Variants in ARHGEF3 observed in about 807,000 individuals in gnomAD.
The protein encoded by ARHGEF3 is Rho guanine nucleotide exchange factor 3.
A neutral mutation model predicts 63.2 loss-of-function variants in ARHGEF3; 28 were observed. That is an observed-to-expected ratio of 0.44 (90% CI 0.33 to 0.61). The LOEUF (loss-of-function observed/expected upper bound fraction) is 0.61. Ranked by LOEUF, ARHGEF3 falls within the 20% of genes least tolerant of loss-of-function variation. The pLI, the probability that ARHGEF3 is intolerant of heterozygous loss-of-function variation, is 0.03. For synonymous variants in ARHGEF3, 266 were observed against 254.2 expected (o/e 1.05, Z -0.44); for missense variants, 533 against 659.3 (o/e 0.81, Z 2.10).
In ARHGEF3 at chr3:56,768,682, AAG is replaced by A. The variant is rs1299992876; in HGVS notation, c.204+5025_204+5026del. Reference sequence around the variant, plus strand: ...AAGCAAAATGCAAAAAAAAAAAAAAAAGAAGAAGATGACGACAAAATCCAAGG... The same window carrying A: ...AAGCAAAATGCAAAAAAAAAAAAAAAAAGAAGATGACGACAAAATCCAAGG... On this transcript the variant is annotated intron_variant, in intron 2 of 9. Coordinates refer to ENST00000296315, the MANE Select transcript of ARHGEF3 (RefSeq NM_019555.3). Among the ~76,000 whole-genome samples the A allele has an allele frequency of 1.3e-3, 186 of 148,704 alleles. 13 individuals carry two copies. The highest frequency in any genetic ancestry group is 3.3e-3 in the East Asian group (17 of 5,076).
intron 4 of ARHGEF3, among the ~76,000 whole-genome samples, chr3:56,860,356 A>AT (rs1188761841): frequency 1.3e-5 from 2 of 151,572 alleles, no homozygotes; most frequent in Admixed American, 6.6e-5. Context: ...TGATTTTATA[A>AT]TTTTTTTGTA....
At chr3:57,075,892 A>C (rs1346052696) in intron 1 of ARHGEF3, among the ~76,000 whole-genome samples, 1 of 152,222 alleles carries the variant, frequency 6.6e-6, no homozygotes, top group African/African-American at 2.4e-5. Flanking sequence ...AAGAAAGCAA[A>C]GCTTGTCACC....
chr3:56,774,431 T>A (rs1287674714), intron 1 of ARHGEF3, among the ~76,000 whole-genome samples: 1 of 152,106 alleles, frequency 6.6e-6, no homozygotes, highest in Non-Finnish European at 1.5e-5. Context: ...AGAAAATGTA[T>A]AGAGAAAAAG....
chr3:56,774,069 T>C (rs1045406817), intron 1 of ARHGEF3, among the ~76,000 whole-genome samples: 2 of 152,144 alleles, frequency 1.3e-5, no homozygotes, highest in African/African-American at 4.8e-5. Flanking sequence ...ATCTGCTCCT[T>C]ATCCCTCACC....
intron 3 of ARHGEF3, among the ~76,000 whole-genome samples, chr3:56,941,761 G>C (rs1297979476): frequency 6.6e-6 from 1 of 152,134 alleles, no homozygotes; most frequent in Admixed American, 6.5e-5. Flanking sequence ...CATCAGTGAC[G>C]AGACTTCTTT....
intron 4 of ARHGEF3, among the ~76,000 whole-genome samples, chr3:56,874,550 G>A (rs2040526428): frequency 1.3e-5 from 2 of 152,194 alleles, no homozygotes; most frequent in South Asian, 4.1e-4. Context: ...ACACCATTTA[G>A]CTTAACTGAG....
At chr3:56,892,647 T>C (rs1158228974) in intron 3 of ARHGEF3, among the ~76,000 whole-genome samples, 1 of 152,230 alleles carries the variant, frequency 6.6e-6, no homozygotes, top group East Asian at 1.9e-4. Flanking sequence ...AGAAAACTAC[T>C]CCATGTAAAC....
intron 3 of ARHGEF3, among the ~76,000 whole-genome samples, chr3:56,915,024 T>TA (rs200217838): frequency 0.027 from 4,137 of 151,468 alleles, 202 homozygotes; most frequent in African/African-American, 0.095. Flanking sequence ...TTTACCACAA[T>TA]AAAAAAAATT....
intron 1 of ARHGEF3, among the ~76,000 whole-genome samples, chr3:57,069,841 C>T (rs4681948): frequency 0.28 from 42,290 of 151,980 alleles, 6,861 homozygotes; most frequent in East Asian, 0.48. Flanking sequence ...AATAGAGTCT[C>T]GCTTTGCTGC....
At chr3:56,958,779 T>C (rs1206463906) in intron 3 of ARHGEF3, 2 of 1,519,918 alleles carry the variant, frequency 1.3e-6, no homozygotes, top group African/African-American at 2.8e-5. Context: ...CATGTATCCA[T>C]AATAGGACAT....
intron 4 of ARHGEF3, among the ~76,000 whole-genome samples, chr3:56,863,547 G>A (rs11710071): frequency 0.085 from 12,950 of 151,972 alleles, 814 homozygotes; most frequent in Admixed American, 0.21. Flanking sequence ...CAATCCACCC[G>A]CCTTGGCCTC....
At chr3:56,939,758 T>C (rs1175621555) in intron 3 of ARHGEF3, 1 of 152,214 alleles carries the variant, frequency 6.6e-6, no homozygotes, top group Non-Finnish European at 1.5e-5. Flanking sequence ...TTTGCCCACA[T>C]GGAGTCAGAC....
At chr3:56,730,295 G>A (rs554739458) in intron 9 of ARHGEF3, among the ~76,000 whole-genome samples, 32 of 151,376 alleles carry the variant, frequency 2.1e-4, no homozygotes, top group Non-Finnish European at 4.0e-4. Flanking sequence ...TGGTTTCATT[G>A]TCAAACGAAA....
intron 2 of ARHGEF3, among the ~76,000 whole-genome samples, chr3:56,959,150 C>G (rs1455047220): frequency 2.0e-5 from 3 of 152,096 alleles, no homozygotes; most frequent in Non-Finnish European, 4.4e-5. Flanking sequence ...AACACGCAAC[C>G]TGGATGCAAT....
At chr3:56,967,863 C>CATATTATATATAATATATAATGACATT (rs1553794065) in intron 2 of ARHGEF3, among the ~76,000 whole-genome samples, 7 of 71,010 alleles carry the variant, frequency 9.9e-5, no homozygotes, top group African/African-American at 4.1e-4. Context: ...TATATAATGA[C>CATATTATATATAATATATAATGACATT]ATATATAATA....
intron 2 of ARHGEF3, among the ~76,000 whole-genome samples, chr3:56,963,573 T>C (rs1700365791): frequency 6.6e-6 from 1 of 152,248 alleles, no homozygotes. Flanking sequence ...TTAAATATTT[T>C]ACTGTCTGAA....
chr3:56,841,390 A>G (rs1248034019), intron 4 of ARHGEF3, among the ~76,000 whole-genome samples: 2 of 152,280 alleles, frequency 1.3e-5, no homozygotes, highest in East Asian at 1.9e-4. Context: ...TTAGTCTTAC[A>G]TGAGATCTTC....
chr3:56,809,415 C>G (rs2037983528), intron 4 of ARHGEF3, among the ~76,000 whole-genome samples: 2 of 152,086 alleles, frequency 1.3e-5, no homozygotes, highest in South Asian at 4.1e-4. Context: ...GGCAGAAATG[C>G]AAACTCAGTG....
At chr3:56,778,608 CG>C (rs1362317268) in intron 1 of ARHGEF3, among the ~76,000 whole-genome samples, 1 of 152,204 alleles carries the variant, frequency 6.6e-6, no homozygotes, top group Admixed American at 6.5e-5. Flanking sequence ...TCACGACTCA[CG>C]GCAGCCTCAA....
Sources: allele counts gnomAD v4.1 joint callset (sites outside exome capture counted in the v4.1 genomes callset), GRCh38; gene constraint gnomAD v4.1.1; transcripts MANE v1.5; gene names NCBI Gene and HGNC (gene_info 2026-07-23, HGNC 2026-07-21).